Variants in DIAPH2 observed in about 807,000 individuals in gnomAD.
The protein encoded by DIAPH2 is diaphanous related formin 2.
A neutral mutation model predicts 92.7 loss-of-function variants in DIAPH2; 35 were observed. The observed-to-expected ratio is 0.38, with a 90% CI of 0.29 to 0.50. The LOEUF (loss-of-function observed/expected upper bound fraction) is 0.50. Ranked by LOEUF, DIAPH2 falls within the 20% of genes least tolerant of loss-of-function variation. The pLI is 0.94. For missense variants in DIAPH2, 701 were observed against 819.5 expected, an observed-to-expected ratio of 0.86 and a Z score of 1.77; for synonymous variants, 301 against 280.4, an observed-to-expected ratio of 1.07 and a Z score of -0.73.
chrX:96,881,855 T>C, intron 5 of DIAPH2, 137 bp downstream of exon 5: 1 of 627,993 alleles, frequency 1.6e-6, no homozygotes, highest in South Asian at 3.3e-5. Context: ...CAGCAGCATC[T>C]GATTGTGAAG....
intron 4 of DIAPH2, among the ~76,000 whole-genome samples, chrX:96,761,591 T>G (rs2064269382): frequency 9.0e-6 from 1 of 111,586 alleles, no homozygotes; most frequent in Non-Finnish European, 1.9e-5. Context: ...TTCTCTTAGC[T>G]TCTGTTGGGT....
chrX:97,396,789 TTGAC>T (rs1440439274), intron 25 of DIAPH2, among the ~76,000 whole-genome samples: 1 of 111,887 alleles, frequency 8.9e-6, no homozygotes, highest in African/African-American at 3.2e-5. Context: ...CAAAGTATGA[TTGAC>T]TGATAACTTA....
At chrX:96,903,675 G>T (rs1286577458) in intron 5 of DIAPH2, among the ~76,000 whole-genome samples, 2 of 111,492 alleles carry the variant, frequency 1.8e-5, no homozygotes, top group Non-Finnish European at 3.8e-5. Flanking sequence ...TATTTTCATT[G>T]TCATTCAAAT....
At chrX:97,306,196 CCTT>C (rs779541599) in intron 23 of DIAPH2, among the ~76,000 whole-genome samples, 43 of 111,500 alleles carry the variant, frequency 3.9e-4, no homozygotes, top group Non-Finnish European at 5.8e-4. Context: ...CCGCATCTCT[CCTT>C]CTTAGGTTAG....
At chrX:97,080,472 C>T (rs2066735174) in intron 19 of DIAPH2, among the ~76,000 whole-genome samples, 1 of 103,754 alleles carries the variant, frequency 9.6e-6, no homozygotes, top group South Asian at 4.7e-4. Context: ...CACAATCCCC[C>T]TCCCCCGCCC....
intron 4 of DIAPH2, among the ~76,000 whole-genome samples, chrX:96,863,999 G>A (rs1363021515): frequency 9.0e-6 from 1 of 111,501 alleles, no homozygotes; most frequent in Non-Finnish European, 1.9e-5. Flanking sequence ...GGAGGTCAAT[G>A]CTGCAGTGAT....
rs1342397682 is a variant in DIAPH2 at position 96,684,861 on chromosome X, G to A, written c.-198G>A. 1.1e-5 allele frequency: 4 copies of A among 379,278 alleles called. No homozygotes were observed. The highest frequency in any genetic ancestry group is 1.6e-5 in the Non-Finnish European group (4 of 249,043). 31.3% of individuals were successfully genotyped at this position (379,278 alleles called of 1,213,427 possible). ...GGGCTTGCCCCAGCGCCGAGTAGTGGCAACGGCGTGGTTGCGTCGGGGGTG... is the reference window on the plus strand; with the variant it reads ...GGGCTTGCCCCAGCGCCGAGTAGTGACAACGGCGTGGTTGCGTCGGGGGTG... On this transcript the variant is annotated 5_prime_UTR_variant, in exon 1 of 27. Coordinates refer to ENST00000324765, the MANE Select transcript of DIAPH2 (RefSeq NM_006729.5).
At chrX:97,529,585 AT>A (rs1341579436) in intron 26 of DIAPH2, among the ~76,000 whole-genome samples, 1 of 111,930 alleles carries the variant, frequency 8.9e-6, no homozygotes, top group Non-Finnish European at 1.9e-5. Flanking sequence ...AGGAATTATA[AT>A]GAATTATGTT....
intron 26 of DIAPH2, among the ~76,000 whole-genome samples, chrX:97,484,381 G>C (rs978658475): frequency 8.9e-6 from 1 of 111,823 alleles, no homozygotes; most frequent in African/African-American, 3.2e-5. Flanking sequence ...ACCTAATAGG[G>C]TTATTCTGAG....
chrX:96,994,578 A>G (rs1286784375), intron 17 of DIAPH2, among the ~76,000 whole-genome samples: 3 of 111,511 alleles, frequency 2.7e-5, no homozygotes, highest in Non-Finnish European at 5.7e-5. Context: ...AAATTACTGT[A>G]TTAGTCCATT....
intron 26 of DIAPH2, among the ~76,000 whole-genome samples, chrX:97,558,925 G>A (rs1160092317): frequency 9.0e-6 from 1 of 111,364 alleles, no homozygotes; most frequent in African/African-American, 3.3e-5. Context: ...ACTTTACAAT[G>A]GTGTGAAAGC....
At chrX:97,065,312 T>C (rs1022611977) in intron 17 of DIAPH2, among the ~76,000 whole-genome samples, 5 of 111,825 alleles carry the variant, frequency 4.5e-5, no homozygotes, top group African/African-American at 9.7e-5. Context: ...GTAATTCATA[T>C]AGGTTAAAGG....
chrX:97,148,073 T>C (rs1036324438), intron 22 of DIAPH2, among the ~76,000 whole-genome samples: 2 of 111,549 alleles, frequency 1.8e-5, no homozygotes, highest in Admixed American at 1.9e-4. Context: ...GATTATCTAG[T>C]CCCTGCTAAA....
At position 97,565,695 on chromosome X, in the gene DIAPH2, G is replaced by A. The variant is rs187284138; in HGVS notation, c.3242-33558G>A. Among the ~76,000 whole-genome samples the A allele has an allele frequency of 2.0e-4, 22 of 111,606 alleles. No individual in the cohort carries two copies. In the South Asian group the frequency reaches 3.4e-3, roughly 17 times the overall value. Reference sequence around the variant, plus strand: ...TAAAACAATTCTATTGAAACTTCACGCGTATCTCTGACATTGGTGTTTCTA... The same window carrying A: ...TAAAACAATTCTATTGAAACTTCACACGTATCTCTGACATTGGTGTTTCTA... On this transcript the variant is annotated intron_variant, in intron 26 of 26. Transcript: ENST00000324765.
At chrX:96,938,888 G>A (rs190770432) in intron 11 of DIAPH2, among the ~76,000 whole-genome samples, 58 of 112,000 alleles carry the variant, frequency 5.2e-4, no homozygotes, top group Non-Finnish European at 8.3e-4. Flanking sequence ...TAGAGTAGTA[G>A]TGATTTGCAT....
At chrX:97,116,702 T>C (rs2067019228) in intron 21 of DIAPH2, among the ~76,000 whole-genome samples, 1 of 112,060 alleles carries the variant, frequency 8.9e-6, no homozygotes, top group Non-Finnish European at 1.9e-5. Flanking sequence ...TGCATTTAAT[T>C]CATATAAAAA....
intron 22 of DIAPH2, among the ~76,000 whole-genome samples, chrX:97,184,864 A>T (rs987243368): frequency 5.4e-5 from 6 of 111,261 alleles, no homozygotes; most frequent in Non-Finnish European, 1.1e-4. Context: ...ACCTTAGAGG[A>T]TCATCTAATT....
At chrX:97,551,581 G>A (rs191929212) in intron 26 of DIAPH2, among the ~76,000 whole-genome samples, 1,211 of 105,793 alleles carry the variant, frequency 0.011, 25 homozygotes, top group African/African-American at 0.04. Flanking sequence ...CAACAAGAAC[G>A]AGACTCCGTT....
chrX:97,230,130 A>C (rs764265434), intron 22 of DIAPH2, among the ~76,000 whole-genome samples: 2 of 110,739 alleles, frequency 1.8e-5, no homozygotes, highest in Non-Finnish European at 3.8e-5. Flanking sequence ...TTTGGAGTTA[A>C]AGCAGTATTA....
Sources: allele counts gnomAD v4.1 joint callset (sites outside exome capture counted in the v4.1 genomes callset), GRCh38; gene constraint gnomAD v4.1.1; transcripts MANE v1.5; gene names NCBI Gene and HGNC (gene_info 2026-07-23, HGNC 2026-07-21).